Variants in MTBP observed in about 807,000 individuals in gnomAD.
MTBP encodes mdm2-binding protein.
In MTBP, 101 loss-of-function variants were observed where a neutral mutation model predicts 117.0. The observed-to-expected ratio is 0.86, with a 90% confidence interval of 0.73 to 1.02. The LOEUF (loss-of-function observed/expected upper bound fraction) is 1.02. MTBP is among the 50% of genes least tolerant of loss of function. MTBP has a pLI of 0.00. For missense variants in MTBP, 970 were observed against 1,030.9 expected, an observed-to-expected ratio of 0.94 and a Z score of 0.81; for synonymous variants, 350 against 351.5, an observed-to-expected ratio of 1.00 and a Z score of 0.05.
intron 11 of MTBP, among the ~76,000 whole-genome samples, chr8:120,478,219 C>A (rs1586952306): frequency 6.6e-6 from 1 of 151,842 alleles, no homozygotes; most frequent in East Asian, 1.9e-4. Flanking sequence ...CACATGGACA[C>A]AGGGAGGGGA....
Position 120,502,472 on chromosome 8 carries a change from G to A in MTBP, c.1610-20G>A. On this transcript the variant is annotated intron_variant, in intron 14 of 21. Coordinates refer to ENST00000305949, the MANE Select transcript of MTBP (RefSeq NM_022045.5). ...GTATGATAATACTTTTCAGACTTAT[G>A]TGTATTTCTTTCACTTTAGATTTTA... 3 of 1,470,912 alleles carry A rather than the reference G, an allele frequency of 2.0e-6. No homozygotes were observed. The highest frequency in any genetic ancestry group is 2.3e-5 in the East Asian group (1 of 43,868). The allele number at this position is 1,470,912 out of a possible 1,614,324, so 91.1% of individuals were successfully genotyped here. A position where few individuals can be genotyped will look rare whatever the true frequency, so the allele number is the denominator to read the frequency against.
intron 10 of MTBP, among the ~76,000 whole-genome samples, chr8:120,469,097 G>C (rs1813762018): frequency 1.3e-5 from 2 of 152,070 alleles, no homozygotes; most frequent in African/African-American, 2.4e-5. Flanking sequence ...CCAGGCTGGA[G>C]TGCAGTGGCT....
chr8:120,499,031 C>T (rs1051425761), intron 14 of MTBP, among the ~76,000 whole-genome samples: 2 of 152,166 alleles, frequency 1.3e-5, no homozygotes, highest in African/African-American at 4.8e-5. Flanking sequence ...AGGATGAACA[C>T]AATCTACAGT....
At chr8:120,453,417 A>T (rs1005176183) in intron 4 of MTBP, among the ~76,000 whole-genome samples, 1 of 152,170 alleles carries the variant, frequency 6.6e-6, no homozygotes, top group African/African-American at 2.4e-5. Context: ...ACTGCACTCC[A>T]GCCTGCGTGA....
chr8:120,450,583 CCT>C (rs986493262), intron 2 of MTBP, among the ~76,000 whole-genome samples: 1 of 152,122 alleles, frequency 6.6e-6, no homozygotes, highest in African/African-American at 2.4e-5. Context: ...CTCTTTAACG[CCT>C]CTGTCTCTAG....
intron 7 of MTBP, 34 bp downstream of exon 7, chr8:120,456,704 C>A: frequency 9.3e-7 from 1 of 1,079,300 alleles, no homozygotes; most frequent in Non-Finnish European, 1.4e-6. Flanking sequence ...CCAAGTAGGC[C>A]TTTCAATTTT....
chr8:120,499,381 T>G (rs1343150080), intron 14 of MTBP, among the ~76,000 whole-genome samples: 1 of 152,184 alleles, frequency 6.6e-6, no homozygotes, highest in African/African-American at 2.4e-5. Context: ...TGTTATACTT[T>G]CTCCCTGTAA....
At chr8:120,495,426 A>G (rs1814431052) in intron 13 of MTBP, among the ~76,000 whole-genome samples, 1 of 151,956 alleles carries the variant, frequency 6.6e-6, no homozygotes, top group Non-Finnish European at 1.5e-5. Flanking sequence ...TATCTTTCCC[A>G]TCTTCCCCAC....
rs565620254 is a variant in MTBP at position 120,468,897 on chromosome 8, C to T, written c.1048-1923C>T. Among the ~76,000 whole-genome samples the T allele has an allele frequency of 2.2e-4, 34 of 152,140 alleles. No homozygotes were observed. The East Asian group carries it at 6.2e-3, about 28-fold the overall frequency. On this transcript the variant is annotated intron_variant, in intron 10 of 21. Coordinates refer to ENST00000305949, the MANE Select transcript of MTBP (RefSeq NM_022045.5). The stretch of plus-strand genomic sequence containing the variant: ...TCGGTCCAACCACCAGGCTAGTCAT[C>T]GCCCACTTTTCATCACACAATCTGA...
chr8:120,521,956 G>A (rs12548300), intron 20 of MTBP, among the ~76,000 whole-genome samples: 227 of 760 alleles, frequency 0.3, 43 homozygotes, highest in Middle Eastern at 0.5. Context: ...ACGGTGGAGG[G>A]TGGGAGAGTA....
chr8:120,466,907 T>G (rs1364023933), intron 10 of MTBP, among the ~76,000 whole-genome samples: 1 of 152,176 alleles, frequency 6.6e-6, no homozygotes. Flanking sequence ...TGGGTTTCAT[T>G]TATTAAACAA....
At chr8:120,512,634 G>C (rs897456969) in intron 17 of MTBP, among the ~76,000 whole-genome samples, 32 of 152,020 alleles carry the variant, frequency 2.1e-4, no homozygotes, top group African/African-American at 7.5e-4. Flanking sequence ...ATGAAATTCT[G>C]ATTCACTGTA....
chr8:120,470,977 T>C (rs970240090), intron 11 of MTBP, 40 bp downstream of exon 11: 1 of 1,297,490 alleles, frequency 7.7e-7, no homozygotes, highest in Non-Finnish European at 1.1e-6. Context: ...TGATGCAGCA[T>C]AGTTAATGTA....
rs376693257 is a variant in MTBP, at chr8:120,467,562, C to T, written c.1048-3258C>T. ...CAGAGGTTGCAGTGAGCAGAGATCA[C>T]ACCACTGCACTCCAGCATGGGCAAC... On this transcript the variant is annotated intron_variant, in intron 10 of 21. Transcript: ENST00000305949. Among the ~76,000 whole-genome samples the T allele has an allele frequency of 7.3e-4, 111 of 152,290 alleles. 1 individual carries two copies. The highest frequency in any genetic ancestry group is 2.6e-3 in the African/African-American group (106 of 41,554).
At chr8:120,481,098 G>T (rs550178721) in intron 11 of MTBP, among the ~76,000 whole-genome samples, 1 of 152,286 alleles carries the variant, frequency 6.6e-6, no homozygotes, top group Admixed American at 6.5e-5. Context: ...AACATCATTA[G>T]TCTCTTGGGA....
intron 11 of MTBP, among the ~76,000 whole-genome samples, chr8:120,477,005 T>A (rs10096923): frequency 0.53 from 81,302 of 152,016 alleles, 24,788 homozygotes; most frequent in Non-Finnish European, 0.67. Context: ...CAAACTATGC[T>A]ACAAGACTAC....
Position 120,446,482 on chromosome 8 carries a change from T to G in MTBP, c.168T>G (p.Ala56=), listed in dbSNP as rs761341909. ...ACCTCTTGAAAAGAAGCATTAGTGC[T>G]TCAATTAATCCAGAAGATAGTACTT... ...VYHLLKRSIS[A]SINPEDSTFP... The change falls in exon 2 of 22, where the codon GCT becomes GCG. Residue 56 remains alanine (A), a synonymous_variant. Transcript: ENST00000305949. 2.5e-6 allele frequency: 4 copies of G among 1,607,256 alleles called. No homozygotes were observed. Among genetic ancestry groups the G allele is most frequent in the South Asian group, 2.2e-5 (2 of 90,950 alleles).
At chr8:120,480,516 A>G (rs1297178337) in intron 11 of MTBP, among the ~76,000 whole-genome samples, 2 of 152,188 alleles carry the variant, frequency 1.3e-5, no homozygotes, top group Non-Finnish European at 2.9e-5. Context: ...ACATTTGAGA[A>G]CTTATGCTAC....
intron 17 of MTBP, among the ~76,000 whole-genome samples, chr8:120,511,089 T>C (rs888513188): frequency 3.3e-5 from 5 of 152,168 alleles, no homozygotes; most frequent in African/African-American, 1.2e-4. Flanking sequence ...AGATAGCTAC[T>C]AAATTATAAA....
Sources: gnomAD v4.1 joint callset for allele counts (sites outside exome capture counted in the v4.1 genomes callset) on GRCh38, gnomAD v4.1.1 for gene constraint, MANE v1.5 for transcripts, NCBI Gene and HGNC (gene_info 2026-07-23, HGNC 2026-07-21) for gene names.